Variants in CRYBG1 observed in about 807,000 individuals in gnomAD.
The protein encoded by CRYBG1 is beta/gamma crystallin domain-containing protein 1.
Under a neutral mutation model 189.2 loss-of-function variants are expected in CRYBG1, and 139 were observed. The observed-to-expected ratio is 0.73, with a 90% CI of 0.64 to 0.85. CRYBG1 has a LOEUF of 0.85. CRYBG1 is among the 40% of genes least tolerant of loss of function. CRYBG1 has a pLI of 0.00. For synonymous variants in CRYBG1, 1,023 were observed against 1,017.1 expected, an observed-to-expected ratio of 1.01 and a Z score of -0.11; for missense variants, 2,611 against 2,675.8, an observed-to-expected ratio of 0.98 and a Z score of 0.53.
intron 1 of CRYBG1, among the ~76,000 whole-genome samples, chr6:106,367,312 G>A (rs6916119): frequency 0.67 from 101,336 of 151,966 alleles, 33,977 homozygotes; most frequent in African/African-American, 0.74. Flanking sequence ...TATTGGGCCA[G>A]GTGTGGTGGC....
intron 1 of CRYBG1, among the ~76,000 whole-genome samples, chr6:106,368,691 T>G (rs773203329): frequency 6.6e-6 from 1 of 152,228 alleles, no homozygotes; most frequent in African/African-American, 2.4e-5. Context: ...TTTACAGCAC[T>G]GTGCATCTTC....
intron 10 of CRYBG1, among the ~76,000 whole-genome samples, chr6:106,542,608 CATTTTATTTTATTTTATTTT>C (rs56795208): frequency 0.064 from 8,156 of 126,674 alleles, 730 homozygotes; most frequent in African/African-American, 0.2. Context: ...ATGATTAGAA[CATTTTATTTTATTTTATTTT>C]ATTTTATTTT....
chr6:106,501,029 C>T (rs1206656230), intron 2 of CRYBG1, among the ~76,000 whole-genome samples: 2 of 152,148 alleles, frequency 1.3e-5, no homozygotes, highest in Admixed American at 6.5e-5. Context: ...AAAATATGTA[C>T]ATTTGGTAAA....
intron 1 of CRYBG1, among the ~76,000 whole-genome samples, chr6:106,363,334 A>AT (rs1351616250): frequency 6.6e-6 from 1 of 151,196 alleles, no homozygotes. Context: ...GAAACACTTC[A>AT]TTTTTTCCTT....
chr6:106,370,113 T>C (rs1456185660), intron 1 of CRYBG1, among the ~76,000 whole-genome samples: 3 of 152,206 alleles, frequency 2.0e-5, no homozygotes, highest in South Asian at 2.1e-4. Context: ...CTACGTTAAA[T>C]AGTGGAAAGA....
At chr6:106,422,580 C>A (rs1771150539) in intron 1 of CRYBG1, among the ~76,000 whole-genome samples, 1 of 70,140 alleles carries the variant, frequency 1.4e-5, no homozygotes, top group East Asian at 4.5e-4. Flanking sequence ...TAATCCACCC[C>A]CCTCCCAGCC....
Position 106,527,470 on chromosome 6 carries a change from G to C in CRYBG1, c.4578G>C (p.Gln1526His). ...TTGGTTCCATCAGACATGTGGTTCA[G>C]GTAGGTTGTGGTAAATATGGATTTT... ...VVIGSIRHVVQDYRVSHIDLF... is the reference protein window; with the variant it reads ...VVIGSIRHVVHDYRVSHIDLF... Residue 1526 changes from glutamine (Q) to histidine (H), a missense_variant and splice_region_variant, in exon 7 of 22, where the codon CAG becomes CAC. By Grantham distance (24) the Gln-to-His change is conservative (BLOSUM62 0). This residue lies in a region of CRYBG1 where 1,622 missense variants were observed against 1,735.0 expected (regional missense o/e 0.93). Transcript: ENST00000633556. 2.5e-6 allele frequency: 4 copies of C among 1,604,458 alleles called. No individual in the cohort carries two copies. Among genetic ancestry groups the C allele is most frequent in the Non-Finnish European group, 3.4e-6 (4 of 1,176,472 alleles).
intron 2 of CRYBG1, among the ~76,000 whole-genome samples, chr6:106,492,520 G>C (rs562299278): frequency 6.6e-6 from 1 of 151,876 alleles, no homozygotes; most frequent in Non-Finnish European, 1.5e-5. Flanking sequence ...GAGGAAGAGA[G>C]GAAGGAAAGA....
chr6:106,401,968 T>G, intron 1 of CRYBG1, among the ~76,000 whole-genome samples: 1 of 151,656 alleles, frequency 6.6e-6, no homozygotes, highest in South Asian at 2.1e-4. Context: ...ACAAAATCAA[T>G]GTACAAAAAT....
intron 1 of CRYBG1, among the ~76,000 whole-genome samples, chr6:106,365,068 T>C (rs1290303468): frequency 1.3e-5 from 2 of 152,286 alleles, no homozygotes. Flanking sequence ...TGGTACTTTC[T>C]TTTTATCTAT....
At chr6:106,563,986 A>C in intron 21 of CRYBG1, 60 bp downstream of exon 21, 1 of 1,503,228 alleles carries the variant, frequency 6.7e-7, no homozygotes, top group Non-Finnish European at 9.2e-7. Context: ...GTTAAGGAAA[A>C]ATCTATTCAT....
chr6:106,488,765 A>G (rs72933601), intron 2 of CRYBG1, among the ~76,000 whole-genome samples: 18 of 152,192 alleles, frequency 1.2e-4, no homozygotes, highest in Admixed American at 3.3e-4. Flanking sequence ...TGGGTGTCCC[A>G]GTTGTTCCTT....
chr6:106,435,717 C>T (rs1331273678), intron 1 of CRYBG1, among the ~76,000 whole-genome samples: 3 of 152,056 alleles, frequency 2.0e-5, no homozygotes, highest in East Asian at 3.8e-4. Context: ...ATTCTCCCGC[C>T]TCAGTCTGCC....
rs80153675 is a variant in CRYBG1 at position 106,400,779 on chromosome 6, G to A, written c.173+39698G>A. On this transcript the variant is annotated intron_variant, in intron 1 of 21. Coordinates refer to ENST00000633556, the MANE Select transcript of CRYBG1 (RefSeq NM_001371242.2). ...CCAGAAGAAAATTACAGCACCTACA[G>A]TGTCAATGGGGACAGAGAGGAGGGT... 2.6e-3 allele frequency among the ~76,000 whole-genome samples: 394 copies of A among 152,308 alleles called. 1 individual carries two copies. Among genetic ancestry groups the A allele is most frequent in the African/African-American group, 9.4e-3 (390 of 41,574 alleles).
intron 2 of CRYBG1, among the ~76,000 whole-genome samples, chr6:106,484,891 T>C (rs1772564810): frequency 6.6e-6 from 1 of 152,068 alleles, no homozygotes; most frequent in Non-Finnish European, 1.5e-5. Context: ...CTCAGGAGGC[T>C]GAGGTAGGAG....
chr6:106,561,760 AAAGG>A (rs762544309), intron 20 of CRYBG1, among the ~76,000 whole-genome samples: 2 of 152,222 alleles, frequency 1.3e-5, no homozygotes, highest in Non-Finnish European at 2.9e-5. Context: ...AGTAGTAGAA[AAAGG>A]AAGTGTGTTA....
chr6:106,538,484 C>T (rs1224426948), intron 8 of CRYBG1, among the ~76,000 whole-genome samples: 1 of 152,162 alleles, frequency 6.6e-6, no homozygotes, highest in East Asian at 1.9e-4. Context: ...AACTTCAGAG[C>T]CCCTGAGGAC....
chr6:106,465,880 T>C (rs1160657122), intron 2 of CRYBG1, among the ~76,000 whole-genome samples: 6 of 152,232 alleles, frequency 3.9e-5, no homozygotes, highest in Non-Finnish European at 5.9e-5. Context: ...CCCATCCCTA[T>C]TGGATTTTCT....
chr6:106,484,853 T>A (rs1772563566), intron 2 of CRYBG1, among the ~76,000 whole-genome samples: 1 of 152,046 alleles, frequency 6.6e-6, no homozygotes, highest in Non-Finnish European at 1.5e-5. Context: ...TAGCTGGATG[T>A]GGTGGTATGT....
Sources: allele counts gnomAD v4.1 joint callset (sites outside exome capture counted in the v4.1 genomes callset), GRCh38; gene constraint gnomAD v4.1.1; regional missense constraint gnomAD v4.1.1; transcripts MANE v1.5; gene names NCBI Gene and HGNC (gene_info 2026-07-23, HGNC 2026-07-21).